DBET: variants seen among roughly 807,000 people sequenced by gnomAD.
The protein encoded by DBET is D4Z4 binding element transcript (non-protein coding).
At position 190,065,845 on chromosome 4, in the gene DBET, C is replaced by A. The variant is rs1480969093; in HGVS notation, n.1344C>A. 57 of 94,890 alleles carry A rather than the reference C, an allele frequency of 6.0e-4. 1 individual carries two copies. The highest frequency in any genetic ancestry group is 3.4e-3 in the Middle Eastern group (1 of 290). 5.9% of individuals were successfully genotyped at this position (94,890 alleles called of 1,614,324 possible). A position where few individuals can be genotyped will look rare whatever the true frequency, so the allele number is the denominator to read the frequency against. Reference sequence around the variant, plus strand: ...CGGAGGCCCCGGGGGAGCTGGAGGCCTCGGAAGAGGCGCCTCGCTGGAAGC... The same window carrying A: ...CGGAGGCCCCGGGGGAGCTGGAGGCATCGGAAGAGGCGCCTCGCTGGAAGC... On this transcript the variant is annotated non_coding_transcript_exon_variant, in exon 1 of 1. Coordinates refer to ENST00000630918, the Ensembl canonical transcript of DBET.
chr4:190,065,014 CT>C, exon 1 of DBET: 1 of 415,612 alleles, frequency 2.4e-6, no homozygotes, highest in Non-Finnish European at 4.3e-6. Flanking sequence ...GGCTTTTTCT[CT>C]CCCTCCCAGA....
rs186407895 is a variant in DBET, at chr4:190,065,059, C to A, written n.558C>A. On this transcript the variant is annotated non_coding_transcript_exon_variant, in exon 1 of 1. Transcript: ENST00000630918. Reference sequence around the variant, plus strand: ...GTGCATTCGAACTCACAGGCAAAATCCTCCCAGAATCTTGTGAGAACATAA... The same window carrying A: ...GTGCATTCGAACTCACAGGCAAAATACTCCCAGAATCTTGTGAGAACATAA... The A allele has an allele frequency of 6.8e-3, 3,009 of 440,140 alleles. 907 individuals carry two copies. In the African/African-American group the frequency reaches 0.077, roughly 11 times the overall value. The allele number at this position is 440,140 out of a possible 1,614,324, so 27.3% of individuals were successfully genotyped here.
rs1740561822 is a variant in DBET, at chr4:190,064,510, T to G, written n.9T>G. The stretch of plus-strand genomic sequence containing the variant: ...GTCTATTTTCTTCCCCAGTTGGCTG[T>G]CTGTGGTATTGCAGTTTCACTAGTG... On this transcript the variant is annotated non_coding_transcript_exon_variant, in exon 1 of 1. Transcript: ENST00000630918. 1.5e-5 allele frequency: 2 copies of G among 136,772 alleles called. 1 individual carries two copies. The highest frequency in any genetic ancestry group is 3.1e-5 in the Non-Finnish European group (2 of 64,358). 8.5% of individuals were successfully genotyped at this position (136,772 alleles called of 1,614,324 possible). A position where few individuals can be genotyped will look rare whatever the true frequency, so the allele number is the denominator to read the frequency against.
At chr4:190,067,659 A>AACCCCCCCC in exon 1 of DBET, 2 of 59,608 alleles carry the variant, frequency 3.4e-5, no homozygotes, top group Non-Finnish European at 3.9e-5. Context: ...CCCCCCCCCC[A>AACCCCCCCC]CCACCACCAC....
exon 1 of DBET, chr4:190,065,082 T>C (rs1473696855): frequency 2.2e-6 from 1 of 458,742 alleles, no homozygotes; most frequent in East Asian, 3.4e-5. Context: ...TGTGAGAACA[T>C]AAATGATCTG....
In DBET at chr4:190,064,827, T is replaced by C. The variant is rs1174287970; in HGVS notation, n.326T>C. Reference sequence around the variant, plus strand: ...AATTTCTGCACCAATGAAAAAAAAATTTACAAGAGAAAAACAAAAAACCCT... The same window carrying C: ...AATTTCTGCACCAATGAAAAAAAAACTTACAAGAGAAAAACAAAAAACCCT... On this transcript the variant is annotated non_coding_transcript_exon_variant, in exon 1 of 1. Coordinates refer to ENST00000630918, the Ensembl canonical transcript of DBET. The C allele has an allele frequency of 2.9e-5, 4 of 136,246 alleles. 2 individuals are homozygous for C. The highest frequency in any genetic ancestry group is 3.1e-5 in the Non-Finnish European group (2 of 64,664). The allele number at this position is 136,246 out of a possible 1,614,324, so 8.4% of individuals were successfully genotyped here.
chr4:190,067,459 C>G (rs1579779009), exon 1 of DBET: 1 of 49,002 alleles, frequency 2.0e-5, no homozygotes, highest in Admixed American at 2.3e-4. Flanking sequence ...TCCACCCTCC[C>G]AGGCTGGTTT....
Position 190,064,973 on chromosome 4 carries a change from C to A in DBET, n.472C>A, listed in dbSNP as rs1740576883. ...GCTGTAACAGAGGAACATTTCCTGT[C>A]TTATGCTTATTCTACTCTGCAATCC... On this transcript the variant is annotated non_coding_transcript_exon_variant, in exon 1 of 1. Coordinates refer to ENST00000630918, the Ensembl canonical transcript of DBET. 4 of 337,588 alleles carry A rather than the reference C, an allele frequency of 1.2e-5. 1 individual carries two copies. The highest frequency in any genetic ancestry group is 4.1e-5 in the East Asian group (1 of 24,598). The allele number at this position is 337,588 out of a possible 1,614,324, so 20.9% of individuals were successfully genotyped here.
At chr4:190,065,018 C>T (rs1740578809) in exon 1 of DBET, 1 of 417,872 alleles carries the variant, frequency 2.4e-6, no homozygotes, top group Non-Finnish European at 4.2e-6. Flanking sequence ...TTTTCTCTCC[C>T]TCCCAGAATC....
At chr4:190,065,053 C>A in exon 1 of DBET, 2 of 438,590 alleles carry the variant, frequency 4.6e-6, no homozygotes, top group Non-Finnish European at 8.0e-6. Context: ...AACTCACAGG[C>A]AAAATCCTCC....
exon 1 of DBET, chr4:190,064,800 C>A (rs1740570186): frequency 7.5e-6 from 1 of 133,974 alleles, no homozygotes; most frequent in African/African-American, 3.2e-5. Context: ...CAGACTTCAT[C>A]AAATTTCTGC....
At chr4:190,065,708 T>A (rs1579773700) in exon 1 of DBET, 1 of 55,518 alleles carries the variant, frequency 1.8e-5, no homozygotes, top group Non-Finnish European at 3.4e-5. Context: ...CCCGGCGCCC[T>A]CCCAGGCGCT....
In DBET at chr4:190,065,108, C is replaced by T. The variant is rs189709077; in HGVS notation, n.607C>T. On this transcript the variant is annotated non_coding_transcript_exon_variant, in exon 1 of 1. Transcript: ENST00000630918. ...AAATGATCTGACTAGTTTGGCATTG[C>T]TTTTGGGGATCTGGGAAAATCTGTG... 2.4e-5 allele frequency: 11 copies of T among 464,286 alleles called. 1 individual carries two copies. Among genetic ancestry groups the T allele is most frequent in the Middle Eastern group, 5.3e-4 (1 of 1,884 alleles). 28.8% of individuals were successfully genotyped at this position (464,286 alleles called of 1,614,324 possible).
exon 1 of DBET, chr4:190,064,528 C>T: frequency 7.3e-6 from 1 of 137,266 alleles, no homozygotes; most frequent in Non-Finnish European, 1.5e-5. Flanking sequence ...ATTGCAGTTT[C>T]ACTAGTGCTG....
exon 1 of DBET, chr4:190,065,813 C>T (rs1740624810): frequency 4.4e-5 from 3 of 68,116 alleles, no homozygotes; most frequent in South Asian, 1.5e-4. Flanking sequence ...GCAACCTCTC[C>T]TAGAAACGGA....
exon 1 of DBET, chr4:190,064,982 A>T: frequency 5.6e-6 from 2 of 358,046 alleles, no homozygotes; most frequent in Non-Finnish European, 1.0e-5. Context: ...TCTTATGCTT[A>T]TTCTACTCTG....
At chr4:190,065,315 G>T (rs1740594635) in exon 1 of DBET, 2 of 469,540 alleles carry the variant, frequency 4.3e-6, no homozygotes, top group Middle Eastern at 9.8e-4. Flanking sequence ...GGCCGCGCCG[G>T]CAGAGGGGAT....
At chr4:190,065,249 C>A (rs1465911907) in exon 1 of DBET, 103 of 578,636 alleles carry the variant, frequency 1.8e-4, no homozygotes, top group South Asian at 9.0e-4. Flanking sequence ...GGCTCTCCCA[C>A]AGGGGGCTTT....
chr4:190,065,045 C>A (rs1468913432), exon 1 of DBET: 3 of 435,602 alleles, frequency 6.9e-6, no homozygotes, highest in African/African-American at 2.8e-5. Context: ...TGCATTCGAA[C>A]TCACAGGCAA....
Sources: allele counts gnomAD v4.1 joint callset, GRCh38; gene constraint gnomAD v4.1.1; transcripts MANE v1.5; gene names NCBI Gene and HGNC (gene_info 2026-07-23, HGNC 2026-07-21).